The following NPHS1 variants were observed in gnomAD, a reference collection of about 807,000 sequenced individuals.
NPHS1 encodes the protein NPHS1 adhesion molecule, nephrin, also known as nephrin.
Under a neutral mutation model 139.7 loss-of-function variants are expected in NPHS1, and 107 were observed. That is an observed-to-expected ratio of 0.77 (90% CI 0.66 to 0.90). The LOEUF (loss-of-function observed/expected upper bound fraction) is 0.90, where lower values mean the gene tolerates loss of function less well. Among genes scored for constraint, NPHS1 ranks in the 40% least tolerant of loss-of-function variants. The probability of loss-of-function intolerance (pLI) is 0.00; values close to 1 mark genes in which losing one functional copy is unlikely to be tolerated. For missense variants in NPHS1, 1,580 were observed against 1,654.2 expected (o/e 0.96, Z 0.78); for synonymous variants, 707 against 706.6 (o/e 1.00, Z -0.01).
At chr19:35,837,763 C>T (rs552410037) in intron 22 of NPHS1, among the ~76,000 whole-genome samples, 13 of 151,924 alleles carry the variant, frequency 8.6e-5, no homozygotes, top group African/African-American at 2.2e-4. Context: ...CCACCACACC[C>T]GGCTAATTTT....
intron 17 of NPHS1, among the ~76,000 whole-genome samples, chr19:35,843,152 A>G (rs1445230116): frequency 6.6e-6 from 1 of 151,198 alleles, no homozygotes; most frequent in African/African-American, 2.4e-5. Flanking sequence ...TCATCTTCCC[A>G]CCCATCCACT....
At chr19:35,829,474 C>T (rs771845146) in intron 28 of NPHS1, among the ~76,000 whole-genome samples, 1 of 152,160 alleles carries the variant, frequency 6.6e-6, no homozygotes, top group Non-Finnish European at 1.5e-5. Context: ...TCAGGCATTC[C>T]TCCTACCTCA....
chr19:35,847,344 C>CA (rs1415972546), intron 11 of NPHS1, among the ~76,000 whole-genome samples: 1 of 59,880 alleles, frequency 1.7e-5, no homozygotes. Flanking sequence ...TGTGCCCAGC[C>CA]TTTTTTTTTT....
At position 35,826,369 on chromosome 19, in the gene NPHS1, C is replaced by T. The variant is rs1972800542; in HGVS notation, c.*145G>A. ...GGTACCAGCTGAACCATCTCTGTCA[C>T]TCAGCCCCCTCCATGTCCTCTCCTG... On this transcript the variant is annotated 3_prime_UTR_variant, in exon 29 of 29. Transcript: ENST00000378910. 4 of 907,034 alleles carry T rather than the reference C, an allele frequency of 4.4e-6. No individual in the cohort carries two copies. Among genetic ancestry groups the T allele is most frequent in the Non-Finnish European group, 7.0e-6 (4 of 567,614 alleles). 56.2% of individuals were successfully genotyped at this position (907,034 alleles called of 1,614,324 possible). A position where few individuals can be genotyped will look rare whatever the true frequency, so the allele number is the denominator to read the frequency against.
Position 35,841,829 on chromosome 19 carries a change from T to C in NPHS1, c.2701A>G (p.Ser901Gly). ...EHTYHQGGVH[S>G]SLLTIANVSA... ...ACGTTGGCAATGGTCAGGAGGCTGCTGTGGACACCACCCTGGTGGTATGTG... is the reference window on the plus strand; with the variant it reads ...ACGTTGGCAATGGTCAGGAGGCTGCCGTGGACACCACCCTGGTGGTATGTG... Residue 901 changes from serine to glycine, a missense_variant, in exon 20 of 29, where the codon AGC becomes GGC. Physicochemically the swap from Ser to Gly is moderately conservative, Grantham distance 56 (BLOSUM62 0). Coordinates refer to ENST00000378910, the MANE Select transcript of NPHS1 (RefSeq NM_004646.4). The C allele has an allele frequency of 6.2e-7, 1 of 1,613,908 alleles. No homozygotes were observed. Among genetic ancestry groups the C allele is most frequent in the East Asian group, 2.2e-5 (1 of 44,890 alleles).
rs961890817 is a variant in NPHS1 at position 35,849,634 on chromosome 19, C to G, written c.628G>C (p.Asp210His). Residue 210 changes from aspartate (D) to histidine (H), a missense_variant, in exon 6 of 29, where the codon GAT becomes CAT. By Grantham distance (81) the Asp-to-His change is moderately conservative. Transcript: ENST00000378910. ...TCACAGACCAGCAACTGCCTATTAT[C>G]TGAGCTCCGGGGTGTCACCCTGGGA... ...ATARVTPRSS[D>H]NRQLLVCEAS... 2 of 1,614,034 alleles carry G rather than the reference C, an allele frequency of 1.2e-6. No homozygotes were observed. The highest frequency in any genetic ancestry group is 1.7e-6 in the Non-Finnish European group (2 of 1,179,964).
At chr19:35,827,889 C>T (rs1599833754) in intron 28 of NPHS1, among the ~76,000 whole-genome samples, 2 of 151,914 alleles carry the variant, frequency 1.3e-5, no homozygotes, top group African/African-American at 2.4e-5. Context: ...TGCACTCCAG[C>T]CTGGGTTACA....
rs759789643 is a variant in NPHS1, at chr19:35,842,368, G to T, written c.2506+11C>A. On this transcript the variant is annotated intron_variant, in intron 18 of 28. Transcript: ENST00000378910. Reference sequence around the variant, plus strand: ...GCAGGTCTTGAAGTCAGGTGTTTGGGTAATACCCACATCTGACAACAAGAC... The same window carrying T: ...GCAGGTCTTGAAGTCAGGTGTTTGGTTAATACCCACATCTGACAACAAGAC... 1.2e-6 allele frequency: 2 copies of T among 1,613,430 alleles called. No individual in the cohort carries two copies. Among genetic ancestry groups the T allele is most frequent in the Non-Finnish European group, 1.7e-6 (2 of 1,179,930 alleles).
chr19:35,851,168 G>C, intron 3 of NPHS1, 79 bp from the exon 4 acceptor site: 2 of 1,613,154 alleles, frequency 1.2e-6, no homozygotes, highest in South Asian at 2.2e-5. Context: ...CAGAGTCTGG[G>C]AGAGGAGAGG....
Position 35,850,875 on chromosome 19 carries a change from T to C in NPHS1, c.526+86A>G, listed in dbSNP as rs1973234441. The C allele has an allele frequency of 1.5e-5, 23 of 1,541,740 alleles. No homozygotes were observed. The South Asian group carries it at 2.6e-4, about 18-fold the overall frequency. On this transcript the variant is annotated intron_variant, in intron 4 of 28. Coordinates refer to ENST00000378910, the MANE Select transcript of NPHS1 (RefSeq NM_004646.4). ...AGGGATGACATCTTTTCTGGGGCCC[T>C]TAGAAGGGTACTGGTCAGGAACACA...
chr19:35,834,383 G>T (rs1424069867), intron 23 of NPHS1, among the ~76,000 whole-genome samples: 1 of 152,156 alleles, frequency 6.6e-6, no homozygotes, highest in Non-Finnish European at 1.5e-5. Flanking sequence ...CTGCAGAGAT[G>T]ATTTAAGCCA....
intron 23 of NPHS1, among the ~76,000 whole-genome samples, chr19:35,835,215 AAAAAG>A (rs1403314289): frequency 1.3e-5 from 2 of 150,368 alleles, no homozygotes; most frequent in Admixed American, 6.7e-5. Flanking sequence ...AAAAAAAAAA[AAAAAG>A]AAAGAAAGAA....
At chr19:35,831,835 A>T in intron 23 of NPHS1, 73 bp from the exon 24 acceptor site, 2 of 1,494,650 alleles carry the variant, frequency 1.3e-6, no homozygotes, top group Non-Finnish European at 1.8e-6. Flanking sequence ...TCCCCGAGAA[A>T]GTGTAGCCCT....
chr19:35,827,350 A>G (rs1246850778), intron 28 of NPHS1, among the ~76,000 whole-genome samples: 1 of 151,976 alleles, frequency 6.6e-6, no homozygotes, highest in Non-Finnish European at 1.5e-5. Flanking sequence ...ATAGTCCTAG[A>G]TACTCAGGAG....
chr19:35,851,277 T>A lies in NPHS1; in HGVS notation c.382A>T (p.Ile128Phe), dbSNP rs747979884. ...TCACCCATACCCAGGATGGAGAGGATCACTCTGGGAGACACGAGCTCGGGC... is the reference window on the plus strand; with the variant it reads ...TCACCCATACCCAGGATGGAGAGGAACACTCTGGGAGACACGAGCTCGGGC... ...MGPELVSPRV[I>F]LSILVPPKLL... The change falls in exon 3 of 29, where the codon ATC becomes TTC. Residue 128 changes from isoleucine to phenylalanine, a missense_variant. By Grantham distance (21) the Ile-to-Phe change is conservative (BLOSUM62 0). Transcript: ENST00000378910. The A allele has an allele frequency of 6.2e-7, 1 of 1,613,900 alleles. No homozygotes were observed. Among genetic ancestry groups the A allele is most frequent in the Non-Finnish European group, 8.5e-7 (1 of 1,179,922 alleles).
At chr19:35,835,433 G>C (rs1035340084) in intron 23 of NPHS1, among the ~76,000 whole-genome samples, 1 of 150,896 alleles carries the variant, frequency 6.6e-6, no homozygotes, top group Admixed American at 6.7e-5. Context: ...CTGAGTAGTT[G>C]GGACTACAGG....
intron 16 of NPHS1, 27 bp downstream of exon 16, chr19:35,844,076 G>A (rs1973099448): frequency 1.9e-5 from 31 of 1,602,968 alleles, no homozygotes; most frequent in Non-Finnish European, 2.5e-5. Context: ...TTGGGTGGGT[G>A]TGGTTTCCAT....
At chr19:35,848,868 G>A (rs1973184851) in intron 8 of NPHS1, 74 bp from the exon 9 acceptor site, 1 of 1,612,016 alleles carries the variant, frequency 6.2e-7, no homozygotes, top group African/African-American at 1.3e-5. Context: ...AACAGGACTG[G>A]AGACAGATGC....
At chr19:35,835,302 T>A (rs1408425916) in intron 23 of NPHS1, among the ~76,000 whole-genome samples, 1 of 139,468 alleles carries the variant, frequency 7.2e-6, no homozygotes, top group Non-Finnish European at 1.6e-5. Context: ...TCTTTTTTTT[T>A]TTTTTTTTTT....
Sources: allele counts gnomAD v4.1 joint callset (sites outside exome capture counted in the v4.1 genomes callset), GRCh38; gene constraint gnomAD v4.1.1; transcripts MANE v1.5; gene names NCBI Gene and HGNC (gene_info 2026-07-23, HGNC 2026-07-21).